DNAH8: variants seen among roughly 807,000 people sequenced by gnomAD.
DNAH8 encodes the protein axonemal beta dynein heavy chain 8.
In DNAH8, 382 loss-of-function variants were observed where a neutral mutation model predicts 562.1. That is an observed-to-expected ratio of 0.68 (90% CI 0.63 to 0.74). The LOEUF (loss-of-function observed/expected upper bound fraction) is 0.74. Among genes scored for constraint, DNAH8 ranks in the 30% least tolerant of loss-of-function variants. The pLI is 0.00. For synonymous variants in DNAH8, 1,881 were observed against 1,919.4 expected (o/e 0.98, Z 0.52); for missense variants, 5,203 against 5,620.4 (o/e 0.93, Z 2.37).
chr6:39,007,196 G>A (rs1048789724), intron 88 of DNAH8, among the ~76,000 whole-genome samples: 10 of 152,224 alleles, frequency 6.6e-5, no homozygotes, highest in South Asian at 4.2e-4. Context: ...GCACCATACC[G>A]TCAGAAATGT....
intron 57 of DNAH8, among the ~76,000 whole-genome samples, chr6:38,887,706 A>C (rs1010793247): frequency 6.6e-6 from 1 of 152,108 alleles, no homozygotes; most frequent in Non-Finnish European, 1.5e-5. Flanking sequence ...GAACCTGTCT[A>C]AAAAACCAAA....
intron 88 of DNAH8, among the ~76,000 whole-genome samples, chr6:39,007,775 T>C (rs1421527509): frequency 6.6e-6 from 1 of 152,116 alleles, no homozygotes; most frequent in African/African-American, 2.4e-5. Context: ...TATCTGAATG[T>C]CCTTTTCTGC....
intron 92 of DNAH8, among the ~76,000 whole-genome samples, chr6:39,028,903 C>T (rs573892301): frequency 7.2e-5 from 11 of 151,900 alleles, no homozygotes; most frequent in Non-Finnish European, 1.3e-4. Context: ...GGTGAGCCCC[C>T]ACAGGGGGAT....
intron 39 of DNAH8, 32 bp from the exon 40 acceptor site, chr6:38,852,662 C>G: frequency 6.7e-7 from 1 of 1,501,658 alleles, no homozygotes; most frequent in Non-Finnish European, 9.2e-7. Flanking sequence ...TTGTGTCCAG[C>G]CTCATGTGTG....
intron 88 of DNAH8, among the ~76,000 whole-genome samples, chr6:38,992,883 A>G (rs1264404909): frequency 6.6e-6 from 1 of 152,220 alleles, no homozygotes; most frequent in Non-Finnish European, 1.5e-5. Context: ...TTGCACATAC[A>G]GTAAACATTC....
intron 23 of DNAH8, among the ~76,000 whole-genome samples, chr6:38,806,495 T>G (rs1284448522): frequency 6.6e-6 from 1 of 152,122 alleles, no homozygotes; most frequent in Non-Finnish European, 1.5e-5. Flanking sequence ...GTCTTTCAGT[T>G]GCATTACCTT....
intron 3 of DNAH8, 139 bp from the exon 4 acceptor site, chr6:38,729,763 T>A: frequency 1.7e-6 from 1 of 593,778 alleles, no homozygotes; most frequent in South Asian, 2.1e-5. Flanking sequence ...ACAGTAATTT[T>A]GGAGTTAAAT....
At chr6:38,940,214 T>C (rs894469782) in intron 79 of DNAH8, among the ~76,000 whole-genome samples, 7 of 152,176 alleles carry the variant, frequency 4.6e-5, no homozygotes, top group African/African-American at 1.7e-4. Context: ...AATACATTCC[T>C]AACCTAGCGT....
At chr6:38,947,992 C>T (rs1761571484) in intron 80 of DNAH8, among the ~76,000 whole-genome samples, 1 of 152,172 alleles carries the variant, frequency 6.6e-6, no homozygotes, top group Non-Finnish European at 1.5e-5. Context: ...AGGCACTCTG[C>T]CCGCCTCTGC....
intron 91 of DNAH8, among the ~76,000 whole-genome samples, chr6:39,016,550 C>CAA (rs34460245): frequency 3.7e-4 from 35 of 95,250 alleles, no homozygotes; most frequent in African/African-American, 9.0e-4. Flanking sequence ...GACTCTGTCT[C>CAA]AAAAAAAAAA....
At chr6:38,715,960 A>ATATT (rs1372342002) in intron 1 of DNAH8, among the ~76,000 whole-genome samples, 11 of 23,624 alleles carry the variant, frequency 4.7e-4, no homozygotes, top group African/African-American at 7.2e-4. Flanking sequence ...ATATATATAT[A>ATATT]TTTTTTTTTT....
intron 12 of DNAH8, among the ~76,000 whole-genome samples, chr6:38,772,533 A>G (rs548595347): frequency 1.3e-5 from 2 of 152,180 alleles, no homozygotes; most frequent in South Asian, 2.1e-4. Context: ...TTCTTTGCAT[A>G]TATTTAACTG....
intron 4 of DNAH8, among the ~76,000 whole-genome samples, 181 bp downstream of exon 4, chr6:38,730,167 C>G (rs1227523045): frequency 6.6e-6 from 1 of 152,188 alleles, no homozygotes; most frequent in Admixed American, 6.5e-5. Flanking sequence ...ATATTTCAGG[C>G]CTTGCTATAA....
At chr6:38,800,979 T>TC (rs1181339244) in intron 21 of DNAH8, among the ~76,000 whole-genome samples, 3 of 152,208 alleles carry the variant, frequency 2.0e-5, no homozygotes, top group Non-Finnish European at 4.4e-5. Context: ...CAGTTTTTTT[T>TC]CTCCCAGTCT....
chr6:38,848,387 C>A (rs568379697), intron 36 of DNAH8, among the ~76,000 whole-genome samples: 2 of 152,226 alleles, frequency 1.3e-5, no homozygotes, highest in East Asian at 3.9e-4. Context: ...CTTTGCTGGA[C>A]CTATGCACCA....
At chr6:38,890,413 AT>A (rs1561823664) in intron 57 of DNAH8, among the ~76,000 whole-genome samples, 1 of 152,062 alleles carries the variant, frequency 6.6e-6, no homozygotes, top group East Asian at 1.9e-4. Context: ...CCTACCTTGT[AT>A]TTTTTTCTTG....
Position 38,822,958 on chromosome 6 carries a change from AG to A in DNAH8, c.3646del (p.Ala1216GlnfsTer22), listed in dbSNP as rs1179513068. On this transcript the variant is annotated frameshift_variant, in exon 27 of 93. Coordinates refer to ENST00000327475, the MANE Select transcript of DNAH8 (RefSeq NM_001206927.2). LOFTEE classifies it high-confidence loss of function. ...LLSSSVNSLR[K>X]AAHEALQDFQ... is the part of the protein sequence containing the mutation. ...TCTTCCTCTGTAAATTCCCTAAGAA[AG>A]GCAGCTCATGAGGCCCTGCAGGACT... The A allele has an allele frequency of 6.2e-7, 1 of 1,613,506 alleles. No homozygotes were observed. Among genetic ancestry groups the A allele is most frequent in the Non-Finnish European group, 8.5e-7 (1 of 1,179,828 alleles).
In DNAH8 at chr6:38,761,909, G is replaced by C. The variant is rs750852029; in HGVS notation, c.1617+106G>C. The C allele has an allele frequency of 5.4e-5, 30 of 558,160 alleles. No individual in the cohort carries two copies. The Middle Eastern group carries it at 1.0e-3, about 19-fold the overall frequency. The allele number at this position is 558,160 out of a possible 1,614,324, so 34.6% of individuals were successfully genotyped here. ...GTTAACTGAAAAAACTTCCTACAGA[G>C]TAGTGTTGAGAATATAAAAAGAATA... On this transcript the variant is annotated intron_variant, in intron 11 of 92. Transcript: ENST00000327475.
chr6:38,997,517 G>T (rs1039818088), intron 88 of DNAH8, among the ~76,000 whole-genome samples: 1 of 152,186 alleles, frequency 6.6e-6, no homozygotes, highest in Non-Finnish European at 1.5e-5. Flanking sequence ...ACAGAGTTCT[G>T]TTGGGGGCAT....
Sources: gnomAD v4.1 joint callset for allele counts (sites outside exome capture counted in the v4.1 genomes callset) on GRCh38, gnomAD v4.1.1 for gene constraint, MANE v1.5 for transcripts, NCBI Gene and HGNC (gene_info 2026-07-23, HGNC 2026-07-21) for gene names.